The following VRTN variants were observed in gnomAD, a reference collection of about 807,000 sequenced individuals.
VRTN encodes vertnin.
Under a neutral mutation model 18.2 loss-of-function variants are expected in VRTN, and 5 were observed. That is an observed-to-expected ratio of 0.27 (90% CI 0.14 to 0.58). VRTN has a LOEUF of 0.58. Ranked by LOEUF, VRTN falls within the 20% of genes least tolerant of loss-of-function variation. The pLI, the probability that VRTN is intolerant of heterozygous loss-of-function variation, is 0.91. For synonymous variants in VRTN, 381 were observed against 393.7 expected (o/e 0.97, Z 0.38); for missense variants, 741 against 939.4 (o/e 0.79, Z 2.76).
intron 1 of VRTN, among the ~76,000 whole-genome samples, chr14:74,336,866 C>T (rs1275894461): frequency 3.3e-5 from 5 of 152,058 alleles, no homozygotes; most frequent in Admixed American, 2.6e-4. Context: ...TCTTTTTCTC[C>T]TCTTTTCTTA....
chr14:74,317,983 G>A (rs1401228491), intron 1 of VRTN, among the ~76,000 whole-genome samples: 1 of 152,026 alleles, frequency 6.6e-6, no homozygotes, highest in Non-Finnish European at 1.5e-5. Context: ...GTTGAGCATG[G>A]TAGCAAGCAA....
chr14:74,350,186 C>T (rs1595174556), intron 1 of VRTN, among the ~76,000 whole-genome samples: 1 of 152,148 alleles, frequency 6.6e-6, no homozygotes, highest in African/African-American at 2.4e-5. Flanking sequence ...CGTGCAGCCC[C>T]TACCCTTTCC....
rs2085737072 is a variant in VRTN, at chr14:74,357,386, C to T, written c.603C>T (p.Tyr201=). The T allele has an allele frequency of 6.2e-7, 1 of 1,613,748 alleles. No individual in the cohort carries two copies. The highest frequency in any genetic ancestry group is 1.3e-5 in the African/African-American group (1 of 75,040). The change falls in exon 2 of 2, where the codon TAC becomes TAT. Residue 201 remains tyrosine, a synonymous_variant. Transcript: ENST00000256362. The surrounding 1 kb of genome is among the most constrained non-coding windows in gnomAD (Gnocchi z 7.8). The part of the protein sequence containing the change: ...YPMRNLKIRP[Y]FNRVIRPRRC... Reference sequence around the variant, plus strand: ...TGCGCAACCTCAAGATCCGGCCCTACTTCAACCGTGTCATCCGGCCCCGCC... The same window carrying T: ...TGCGCAACCTCAAGATCCGGCCCTATTTCAACCGTGTCATCCGGCCCCGCC...
At chr14:74,354,048 A>C (rs1470685259) in intron 1 of VRTN, among the ~76,000 whole-genome samples, 1 of 152,096 alleles carries the variant, frequency 6.6e-6, no homozygotes, top group Non-Finnish European at 1.5e-5. Flanking sequence ...TTTAAACCAG[A>C]TACTATGGAG....
intron 1 of VRTN, among the ~76,000 whole-genome samples, chr14:74,303,754 C>A (rs1187706368): frequency 6.6e-6 from 1 of 151,748 alleles, no homozygotes; most frequent in Non-Finnish European, 1.5e-5. Context: ...GTTTCAACTG[C>A]AAGCCAAACA....
intron 1 of VRTN, among the ~76,000 whole-genome samples, chr14:74,330,916 T>C (rs562487807): frequency 6.7e-6 from 1 of 149,524 alleles, no homozygotes; most frequent in East Asian, 2.1e-4. Context: ...AACACAAGTC[T>C]GGGCCGGGCA....
chr14:74,311,532 C>T (rs966195499), intron 1 of VRTN, among the ~76,000 whole-genome samples: 1 of 151,538 alleles, frequency 6.6e-6, no homozygotes, highest in Non-Finnish European at 1.5e-5. Context: ...GCTACTCCCT[C>T]CCAAGTAGCT....
intron 1 of VRTN, among the ~76,000 whole-genome samples, chr14:74,335,781 C>T (rs909233902): frequency 5.4e-5 from 8 of 149,442 alleles, no homozygotes; most frequent in Non-Finnish European, 1.0e-4. Context: ...TGCTCTGTTG[C>T]CCAGGCTGGA....
intron 1 of VRTN, among the ~76,000 whole-genome samples, chr14:74,353,619 T>C (rs2085701773): frequency 6.6e-6 from 1 of 152,184 alleles, no homozygotes; most frequent in South Asian, 2.1e-4. Context: ...TATCTACCAG[T>C]GTATATTGTA....
intron 1 of VRTN, among the ~76,000 whole-genome samples, chr14:74,317,891 C>A (rs1045564075): frequency 2.0e-5 from 3 of 152,190 alleles, no homozygotes; most frequent in Non-Finnish European, 4.4e-5. Context: ...TTTTGGAGGC[C>A]AACATGGGAG....
At chr14:74,324,834 T>A (rs1162099925) in intron 1 of VRTN, among the ~76,000 whole-genome samples, 3 of 150,480 alleles carry the variant, frequency 2.0e-5, no homozygotes, top group Non-Finnish European at 4.4e-5. Flanking sequence ...TTGCAGTGAG[T>A]TGAGATCTCC....
chr14:74,358,376 C>T lies in VRTN; in HGVS notation c.1593C>T (p.Leu531=). 6.2e-7 allele frequency: 1 copy of T among 1,613,918 alleles called. No homozygotes were observed. Among genetic ancestry groups the T allele is most frequent in the South Asian group, 1.1e-5 (1 of 91,090 alleles). ...ATCTCCCTTTCTGCCGCTTCCGCCT[C>T]CGCTACCCCAGCCTGTCACCTTCTG... The part of the protein sequence containing the change: ...SGHLPFCRFR[L]RYPSLSPSAF... The change falls in exon 2 of 2, where the codon CTC becomes CTT. Residue 531 remains leucine, a synonymous_variant. Transcript: ENST00000256362. This position sits in a 1 kb window ranked among gnomAD's most constrained non-coding sequence, Gnocchi z 5.4.
chr14:74,357,210 C>T lies in VRTN; in HGVS notation c.427C>T (p.Pro143Ser), dbSNP rs547847712. Reference protein sequence around the residue: ...VRYSLCSEESPEMTSLPPATL... With the variant: ...VRYSLCSEESSEMTSLPPATL... ...CTACTCCCTATGCTCTGAGGAGTCC[C>T]CTGAGATGACCAGCTTGCCCCCCGC... Residue 143 changes from proline (P) to serine (S), a missense_variant, in exon 2 of 2, where the codon CCT (proline) becomes TCT (serine). By Grantham distance (74) the Pro-to-Ser change is moderately conservative. Coordinates refer to ENST00000256362, the MANE Select transcript of VRTN (RefSeq NM_018228.3). This position sits in a 1 kb window ranked among gnomAD's most constrained non-coding sequence, Gnocchi z 7.8. 3.1e-5 allele frequency: 50 copies of T among 1,611,894 alleles called. No individual in the cohort carries two copies. The East Asian group carries it at 1.1e-3, about 34-fold the overall frequency.
chr14:74,308,626 T>G (rs947661140), intron 1 of VRTN, among the ~76,000 whole-genome samples: 3 of 152,066 alleles, frequency 2.0e-5, no homozygotes, highest in Non-Finnish European at 4.4e-5. Context: ...GCGATTTTCC[T>G]GCCTCAGCCT....
intron 1 of VRTN, among the ~76,000 whole-genome samples, chr14:74,310,067 C>T (rs149783368): frequency 8.2e-4 from 125 of 152,268 alleles, no homozygotes; most frequent in African/African-American, 3.0e-3. Flanking sequence ...CAAAATATGA[C>T]ACCCTCACTG....
At chr14:74,321,973 T>C (rs2085458739) in intron 1 of VRTN, among the ~76,000 whole-genome samples, 1 of 152,110 alleles carries the variant, frequency 6.6e-6, no homozygotes, top group Non-Finnish European at 1.5e-5. Flanking sequence ...CCTGAGTAGC[T>C]GAGACTACAG....
At chr14:74,324,261 G>A (rs896944423) in intron 1 of VRTN, among the ~76,000 whole-genome samples, 13 of 151,458 alleles carry the variant, frequency 8.6e-5, no homozygotes, top group African/African-American at 2.4e-5. Context: ...GGTGGCGGGC[G>A]CCTGTAGTCC....
intron 1 of VRTN, among the ~76,000 whole-genome samples, chr14:74,351,519 T>A (rs886879730): frequency 6.8e-6 from 1 of 147,990 alleles, no homozygotes; most frequent in East Asian, 2.0e-4. Flanking sequence ...TTTTTTTTTT[T>A]TAAGACAGTC....
intron 1 of VRTN, among the ~76,000 whole-genome samples, chr14:74,334,712 T>C (rs1185286426): frequency 6.6e-6 from 1 of 152,226 alleles, no homozygotes; most frequent in Non-Finnish European, 1.5e-5. Flanking sequence ...TATTATATTC[T>C]GTGCCTTGTA....
Sources: gnomAD v4.1 joint callset for allele counts (sites outside exome capture counted in the v4.1 genomes callset) on GRCh38, gnomAD v4.1.1 for gene constraint, Gnocchi (gnomAD v3.1) non-coding constraint, MANE v1.5 for transcripts, NCBI Gene and HGNC (gene_info 2026-07-23, HGNC 2026-07-21) for gene names.